The following HECTD3 variants were observed in gnomAD, a reference collection of about 807,000 sequenced individuals.
HECTD3 encodes the protein HECT domain E3 ubiquitin protein ligase 3, also known as E3 ubiquitin-protein ligase HECTD3.
HECTD3 carries 72 observed loss-of-function variants against 109.3 expected under a neutral mutation model. The observed-to-expected ratio is 0.66, with a 90% CI of 0.54 to 0.80. HECTD3 has a LOEUF of 0.80. Among genes scored for constraint, HECTD3 ranks in the 30% least tolerant of loss-of-function variants. The pLI is 0.00. For synonymous variants in HECTD3, 481 were observed against 471.8 expected (o/e 1.02, Z -0.25); for missense variants, 1,041 against 1,165.2 (o/e 0.89, Z 1.55).
rs1644709451 is a variant in HECTD3, at chr1:45,003,598, CA to C, written c.2502-23del. On this transcript the variant is annotated intron_variant, in intron 20 of 20. Transcript: ENST00000372172. The surrounding 1 kb of genome is among the most constrained non-coding windows in gnomAD (Gnocchi z 4.7). ...GGCACTGTGGGAATGGGGACTTGGTCAGGTCCCTACATCGCTACCAGGGGTG... is the reference window on the plus strand; with the variant it reads ...GGCACTGTGGGAATGGGGACTTGGTCGGTCCCTACATCGCTACCAGGGGTG... The C allele has an allele frequency of 6.2e-7, 1 of 1,613,938 alleles. No homozygotes were observed. The highest frequency in any genetic ancestry group is 2.2e-5 in the East Asian group (1 of 44,874).
chr1:45,007,960 T>G (rs1274624442), intron 9 of HECTD3, among the ~76,000 whole-genome samples: 1 of 152,156 alleles, frequency 6.6e-6, no homozygotes, highest in Non-Finnish European at 1.5e-5. Flanking sequence ...CAAGACATCT[T>G]GAGCTGCTGG....
At position 45,004,334 on chromosome 1, in the gene HECTD3, G is replaced by A; in HGVS notation, c.2186C>T (p.Ala729Val). ...QAGLLKVVPQ[A>V]VLDLLTWQEL... ...TTGCCAGGTCAGCAAGTCCAGCACA[G>A]CCTGTGGTACCACCTTCAGCAGACC... Residue 729 changes from alanine to valine, a missense_variant, in exon 17 of 21, where the codon GCT becomes GTT. Ala to Val is a moderately conservative substitution (Grantham distance 64). This residue lies in a region of HECTD3 where 569 missense variants were observed against 715.3 expected (regional missense o/e 0.80). Coordinates refer to ENST00000372172, the MANE Select transcript of HECTD3 (RefSeq NM_024602.6). 3 of 1,614,080 alleles carry A rather than the reference G, an allele frequency of 1.9e-6. No homozygotes were observed. The highest frequency in any genetic ancestry group is 2.5e-6 in the Non-Finnish European group (3 of 1,179,932).
chr1:45,006,406 A>T lies in HECTD3; in HGVS notation c.1725+286T>A, dbSNP rs920595353. Among the ~76,000 whole-genome samples the T allele has an allele frequency of 5.9e-5, 9 of 151,936 alleles. No individual in the cohort carries two copies. The highest frequency in any genetic ancestry group is 1.9e-4 in the African/African-American group (8 of 41,358). Reference sequence around the variant, plus strand: ...CTGCAACCTCCGTCTCCTGGGTTCAAGCGAGTCGCCTGCTTCAGCCTCCCA... The same window carrying T: ...CTGCAACCTCCGTCTCCTGGGTTCATGCGAGTCGCCTGCTTCAGCCTCCCA... On this transcript the variant is annotated intron_variant, in intron 13 of 20. Coordinates refer to ENST00000372172, the MANE Select transcript of HECTD3 (RefSeq NM_024602.6). This position sits in a 1 kb window ranked among gnomAD's most constrained non-coding sequence, Gnocchi z 4.7.
Position 45,003,080 on chromosome 1 carries a change from T to C in HECTD3, c.*412A>G, listed in dbSNP as rs911391969. The C allele has an allele frequency of 1.1e-5, 2 of 183,378 alleles. No homozygotes were observed. The highest frequency in any genetic ancestry group is 1.2e-4 in the South Asian group (1 of 8,294). The allele number at this position is 183,378 out of a possible 1,614,324, so 11.4% of individuals were successfully genotyped here. On this transcript the variant is annotated 3_prime_UTR_variant, in exon 21 of 21. Coordinates refer to ENST00000372172, the MANE Select transcript of HECTD3 (RefSeq NM_024602.6). This position sits in a 1 kb window ranked among gnomAD's most constrained non-coding sequence, Gnocchi z 4.7. ...GGGAGGGGCCTCCACTAACCTCCAG[T>C]GTTTTATGTTTTTAGTTGTGAGTCA...
In HECTD3 at chr1:45,007,481, G is replaced by A. The variant is rs1644746807; in HGVS notation, c.1435C>T (p.Arg479Cys). 1.2e-6 allele frequency: 2 copies of A among 1,614,000 alleles called. No homozygotes were observed. The highest frequency in any genetic ancestry group is 1.7e-6 in the Non-Finnish European group (2 of 1,180,036). ...SFMPRLYINR[R>C]LAMEHRACPS... ...CAGGCACGGTGTTCCATGGCAAGAC[G>A]GCGGTTGATGTATAGGCGTGGCATG... Residue 479 changes from arginine (R) to cysteine (C), a missense_variant, in exon 10 of 21, where the codon CGT becomes TGT. Physicochemically the swap from Arg to Cys is radical, Grantham distance 180. Transcript: ENST00000372172.
In HECTD3 at chr1:45,007,461, A is replaced by C. The variant is rs764843175; in HGVS notation, c.1455T>G (p.Arg485=). The change falls in exon 10 of 21, where the codon CGT becomes CGG. Residue 485 remains arginine (R), a synonymous_variant. Transcript: ENST00000372172. ...YINRRLAMEH[R]ACPSRDPACK... is the part of the protein sequence containing the mutation. The stretch of plus-strand genomic sequence containing the variant: ...AGGCAGGGTCTCGAGAGGGGCAGGC[A>C]CGGTGTTCCATGGCAAGACGGCGGT... 22 of 1,614,148 alleles carry C rather than the reference A, an allele frequency of 1.4e-5. No individual in the cohort carries two copies. Among genetic ancestry groups the C allele is most frequent in the Admixed American group, 3.3e-5 (2 of 60,014 alleles).
In HECTD3 at chr1:45,009,675, G is replaced by T. The variant is rs373169613; in HGVS notation, c.768C>A (p.Phe256Leu). The T allele has an allele frequency of 6.2e-7, 1 of 1,613,132 alleles. No individual in the cohort carries two copies. Among genetic ancestry groups the T allele is most frequent in the African/African-American group, 1.3e-5 (1 of 74,888 alleles). ...TGCTGTCTGTCAGGCAGGACACGTT[G>T]AACTCCTCCTGGGGAGGGGCAGAGA... ...SIDVSSYTEE[F>L]NVSCLTDSNA... Residue 256 changes from phenylalanine (F) to leucine (L), a missense_variant, in exon 5 of 21, where the codon TTC (phenylalanine) becomes TTA (leucine). This residue lies in a region of HECTD3 where 472 missense variants were observed against 449.9 expected (regional missense o/e 1.05). Coordinates refer to ENST00000372172, the MANE Select transcript of HECTD3 (RefSeq NM_024602.6).
chr1:45,010,320 TG>T, intron 2 of HECTD3, 27 bp from the exon 3 acceptor site: 2 of 1,602,914 alleles, frequency 1.2e-6, no homozygotes, highest in Non-Finnish European at 8.5e-7. Context: ...GGGAGTGGGA[TG>T]GGGAGACATC....
chr1:45,010,390 A>G, intron 2 of HECTD3, 97 bp from the exon 3 acceptor site: 2 of 1,467,978 alleles, frequency 1.4e-6, no homozygotes, highest in Non-Finnish European at 1.9e-6. Context: ...TCTATCTCCC[A>G]GTCTCCCTCC....
intron 9 of HECTD3, 149 bp from the exon 10 acceptor site, chr1:45,007,744 T>A: frequency 1.5e-6 from 1 of 678,062 alleles, no homozygotes; most frequent in Non-Finnish European, 2.5e-6. Flanking sequence ...CCTCCTTAGT[T>A]CAGCCACCAG....
In HECTD3 at chr1:45,008,324, G is replaced by C. The variant is rs1244954394; in HGVS notation, c.1239-3C>G. On this transcript the variant is annotated splice_region_variant and splice_polypyrimidine_tract_variant and intron_variant, in intron 8 of 20. Coordinates refer to ENST00000372172, the MANE Select transcript of HECTD3 (RefSeq NM_024602.6). ...CACTATCGAGGATCTTGATGAATCT[G>C]GCATGGGTAGATAGACTGCAGCTAA... is the stretch of plus-strand genomic sequence containing the variant. The C allele has an allele frequency of 1.9e-6, 3 of 1,612,096 alleles. No homozygotes were observed. In the African/African-American group the frequency reaches 4.0e-5, roughly 22 times the overall value.
At chr1:45,007,359 G>C in intron 10 of HECTD3, 54 bp downstream of exon 10, 2 of 1,606,704 alleles carry the variant, frequency 1.2e-6, no homozygotes, top group Non-Finnish European at 1.7e-6. Context: ...TCTTGGCCTA[G>C]CCCCCTTGGC....
At position 45,010,497 on chromosome 1, in the gene HECTD3, T is replaced by C. The variant is rs1313858985; in HGVS notation, c.530+49A>G. On this transcript the variant is annotated intron_variant, in intron 2 of 20. Coordinates refer to ENST00000372172, the MANE Select transcript of HECTD3 (RefSeq NM_024602.6). Reference sequence around the variant, plus strand: ...CTGTGGCTGAAGTGTTCCCAAGCCCTCCTGGCCCGGCCTTCTGACAGCCAG... The same window carrying C: ...CTGTGGCTGAAGTGTTCCCAAGCCCCCCTGGCCCGGCCTTCTGACAGCCAG... 7 of 1,608,804 alleles carry C rather than the reference T, an allele frequency of 4.4e-6. No homozygotes were observed. The East Asian group carries it at 1.6e-4, about 36-fold the overall frequency.
chr1:45,009,319 G>C (rs755500418), intron 6 of HECTD3, 50 bp downstream of exon 6: 2 of 1,553,608 alleles, frequency 1.3e-6, no homozygotes, highest in Non-Finnish European at 1.8e-6. Context: ...TTTCAAGCTG[G>C]GCTAGGCTTG....
At chr1:45,009,303 T>C in intron 6 of HECTD3, 66 bp downstream of exon 6, 4 of 1,554,316 alleles carry the variant, frequency 2.6e-6, no homozygotes, top group Non-Finnish European at 2.7e-6. Flanking sequence ...TCACTCAAAC[T>C]TAGGCTTTCA....
At position 45,010,883 on chromosome 1, in the gene HECTD3, G is replaced by A; in HGVS notation, c.369+6C>T. 1 of 1,518,206 alleles carries A rather than the reference G, an allele frequency of 6.6e-7. No homozygotes were observed. The highest frequency in any genetic ancestry group is 1.3e-5 in the South Asian group (1 of 77,750). 94.0% of individuals were successfully genotyped at this position (1,518,206 alleles called of 1,614,324 possible). A position where few individuals can be genotyped will look rare whatever the true frequency, so the allele number is the denominator to read the frequency against. On this transcript the variant is annotated splice_donor_region_variant and intron_variant, in intron 1 of 20. Coordinates refer to ENST00000372172, the MANE Select transcript of HECTD3 (RefSeq NM_024602.6). ...TTTACCGGGTCCTGGGCAGGGAAGA[G>A]CGCACCTTTGTCAGCTTCACCCAGA...
At chr1:45,005,683 G>T (rs765460280) in intron 15 of HECTD3, 111 bp downstream of exon 15, 33 of 836,078 alleles carry the variant, frequency 3.9e-5, no homozygotes, top group Non-Finnish European at 5.8e-5. Context: ...GGAGTGGATG[G>T]ATTGGAGAGG....
At position 45,003,430 on chromosome 1, in the gene HECTD3, G is replaced by T; in HGVS notation, c.*62C>A. The stretch of plus-strand genomic sequence containing the variant: ...AAACCAGGGCAGGGAAGGTGTCTTC[G>T]CCCTGGGCAAGGCCAAGAGGGACAC... On this transcript the variant is annotated 3_prime_UTR_variant, in exon 21 of 21. Transcript: ENST00000372172. This position sits in a 1 kb window ranked among gnomAD's most constrained non-coding sequence, Gnocchi z 4.7. 6.8e-7 allele frequency: 1 copy of T among 1,475,256 alleles called. No homozygotes were observed. Among genetic ancestry groups the T allele is most frequent in the Non-Finnish European group, 9.5e-7 (1 of 1,056,182 alleles). The allele number at this position is 1,475,256 out of a possible 1,614,324, so 91.4% of individuals were successfully genotyped here.
Position 45,003,764 on chromosome 1 carries a change from G to C in HECTD3, c.2430-24C>G. ...AGCTGGGGGCATTGAGGGACCATAG[G>C]TCAGGAAGATGTGTTGGGGCACATG... On this transcript the variant is annotated intron_variant, in intron 19 of 20. Transcript: ENST00000372172. This position sits in a 1 kb window ranked among gnomAD's most constrained non-coding sequence, Gnocchi z 4.7. 1 of 1,613,726 alleles carries C rather than the reference G, an allele frequency of 6.2e-7. No individual in the cohort carries two copies.
Sources: gnomAD v4.1 joint callset for allele counts (sites outside exome capture counted in the v4.1 genomes callset) on GRCh38, gnomAD v4.1.1 for gene constraint, gnomAD v4.1.1 regional missense constraint, Gnocchi (gnomAD v3.1) non-coding constraint, MANE v1.5 for transcripts, NCBI Gene and HGNC (gene_info 2026-07-23, HGNC 2026-07-21) for gene names.